HECW2: variants seen among roughly 807,000 people sequenced by gnomAD.
The protein encoded by HECW2 is E3 ubiquitin-protein ligase HECW2.
HECW2 carries 61 observed loss-of-function variants against 175.2 expected under a neutral mutation model. The ratio of observed to expected loss-of-function variants is 0.35; its 90% CI spans 0.28 to 0.43. The LOEUF (loss-of-function observed/expected upper bound fraction) is 0.43. Among genes scored for constraint, HECW2 ranks in the 20% least tolerant of loss-of-function variants. The probability of loss-of-function intolerance (pLI) is 1.00; values close to 1 mark genes in which losing one functional copy is unlikely to be tolerated. For synonymous variants in HECW2, 671 were observed against 731.0 expected (o/e 0.92, Z 1.32); for missense variants, 1,524 against 2,000.5 (o/e 0.76, Z 4.54).
intron 13 of HECW2, among the ~76,000 whole-genome samples, chr2:196,293,579 C>G (rs1690687826): frequency 6.6e-6 from 1 of 152,190 alleles, no homozygotes; most frequent in African/African-American, 2.4e-5. Flanking sequence ...AATCTCCACA[C>G]TGTTTTCCAC....
At chr2:196,446,412 T>C (rs1373896684) in intron 1 of HECW2, among the ~76,000 whole-genome samples, 1 of 152,196 alleles carries the variant, frequency 6.6e-6, no homozygotes, top group African/African-American at 2.4e-5. Context: ...ACAGTATGAC[T>C]TATTCACCTG....
intron 1 of HECW2, among the ~76,000 whole-genome samples, chr2:196,459,679 C>G (rs1310010809): frequency 1.3e-5 from 2 of 152,116 alleles, no homozygotes; most frequent in Non-Finnish European, 2.9e-5. Flanking sequence ...CTCCTGAAAC[C>G]GCCCCTCCTT....
intron 17 of HECW2, chr2:196,263,758 T>C (rs1482910290): frequency 6.6e-6 from 1 of 152,052 alleles, no homozygotes; most frequent in Non-Finnish European, 1.5e-5. Flanking sequence ...GGGACAAAGT[T>C]TGTCATAAAT....
intron 18 of HECW2, among the ~76,000 whole-genome samples, chr2:196,256,969 T>C (rs531187852): frequency 2.6e-5 from 4 of 152,320 alleles, no homozygotes; most frequent in Admixed American, 6.5e-5. Flanking sequence ...GCAACAAATA[T>C]GGCAACTATG....
chr2:196,354,201 G>A lies in HECW2; in HGVS notation c.293-10437C>T, dbSNP rs113004757. On this transcript the variant is annotated intron_variant, in intron 2 of 28. Coordinates refer to ENST00000644978, the MANE Select transcript of HECW2 (RefSeq NM_001348768.2). Reference sequence around the variant, plus strand: ...TTAATACACCACCATCAGTCAGGCTGCAGATAGTGGGACTAAAAGAGCTAA... The same window carrying A: ...TTAATACACCACCATCAGTCAGGCTACAGATAGTGGGACTAAAAGAGCTAA... Among the ~76,000 whole-genome samples, 597 of 152,338 alleles carry A rather than the reference G, an allele frequency of 3.9e-3. 8 individuals carry two copies. Among genetic ancestry groups the A allele is most frequent in the African/African-American group, 0.013 (557 of 41,580 alleles).
intron 10 of HECW2, chr2:196,315,640 G>T (rs1033735299): frequency 1.3e-5 from 2 of 152,060 alleles, no homozygotes; most frequent in African/African-American, 4.8e-5. Context: ...AAAAGGAACT[G>T]CCAATTGTAA....
rs146670635 is a variant in HECW2 at position 196,365,355 on chromosome 2, C to T, written c.293-21591G>A. On this transcript the variant is annotated intron_variant, in intron 2 of 28. Transcript: ENST00000644978. ...GGTTAGCACATCAGGAAGGAACAAC[C>T]CTTTTCCTGAAAATCCCATTATGAA... 5.3e-5 allele frequency among the ~76,000 whole-genome samples: 8 copies of T among 152,290 alleles called. No homozygotes were observed. The East Asian group carries it at 1.3e-3, about 26-fold the overall frequency.
chr2:196,415,894 T>C lies in HECW2; in HGVS notation c.292+17238A>G, dbSNP rs77431647. On this transcript the variant is annotated intron_variant, in intron 2 of 28. Coordinates refer to ENST00000644978, the MANE Select transcript of HECW2 (RefSeq NM_001348768.2). ...ATCAAAGGGTGTTGGGAGTTGAAGA[T>C]TAACAAAAGGTTTAGTAATATGACT... Among the ~76,000 whole-genome samples, 744 of 152,306 alleles carry C rather than the reference T, an allele frequency of 4.9e-3. 12 individuals carry two copies. The East Asian group carries it at 0.059, about 12-fold the overall frequency.
intron 26 of HECW2, among the ~76,000 whole-genome samples, chr2:196,218,610 C>A (rs986583088): frequency 6.6e-6 from 1 of 151,824 alleles, no homozygotes; most frequent in Non-Finnish European, 1.5e-5. Context: ...GCCAGGAATT[C>A]GAGACCAGAC....
chr2:196,305,396 A>G (rs1691222023), intron 13 of HECW2, among the ~76,000 whole-genome samples: 1 of 152,250 alleles, frequency 6.6e-6, no homozygotes. Flanking sequence ...ACAGATGTTT[A>G]TACTTGTAAA....
intron 2 of HECW2, among the ~76,000 whole-genome samples, chr2:196,373,021 C>G (rs1326630659): frequency 6.6e-6 from 1 of 152,204 alleles, no homozygotes; most frequent in South Asian, 2.1e-4. Flanking sequence ...CAGCAGCACA[C>G]GACCTGGTGC....
At chr2:196,211,406 G>C (rs146099016) in intron 28 of HECW2, among the ~76,000 whole-genome samples, 1 of 152,078 alleles carries the variant, frequency 6.6e-6, no homozygotes, top group African/African-American at 2.4e-5. Flanking sequence ...GCTAACCACC[G>C]ACCGCGAAGC....
At position 196,308,259 on chromosome 2, in the gene HECW2, T is replaced by G. The variant is rs1691345677; in HGVS notation, c.2435-174A>C. Reference sequence around the variant, plus strand: ...CCCCAGTTCACTCCAGAATCTGTTGTGACTGATTATTTAGCCTATCCTGTG... The same window carrying G: ...CCCCAGTTCACTCCAGAATCTGTTGGGACTGATTATTTAGCCTATCCTGTG... On this transcript the variant is annotated intron_variant, in intron 10 of 28. Transcript: ENST00000644978. The G allele has an allele frequency of 1.4e-5, 6 of 428,620 alleles. No homozygotes were observed. The South Asian group carries it at 4.3e-4, about 31-fold the overall frequency. The allele number at this position is 428,620 out of a possible 1,614,324, so 26.6% of individuals were successfully genotyped here.
chr2:196,565,477 G>T (rs555168128), intron 1 of HECW2, among the ~76,000 whole-genome samples: 20 of 152,170 alleles, frequency 1.3e-4, no homozygotes, highest in Middle Eastern at 3.4e-3. Flanking sequence ...TTGAAAGTGG[G>T]GAATAGATGA....
chr2:196,379,898 CAA>C (rs5837506), intron 2 of HECW2, among the ~76,000 whole-genome samples: 429 of 127,620 alleles, frequency 3.4e-3, no homozygotes, highest in Non-Finnish European at 4.0e-3. Context: ...TATTCTCCAG[CAA>C]AAAAAAAAAA....
At chr2:196,226,181 G>A (rs1299247020) in intron 22 of HECW2, among the ~76,000 whole-genome samples, 1 of 151,972 alleles carries the variant, frequency 6.6e-6, no homozygotes, top group African/African-American at 2.4e-5. Context: ...ATGATAGTGA[G>A]TTCTCATGAA....
At chr2:196,246,908 A>C (rs550038143) in intron 19 of HECW2, among the ~76,000 whole-genome samples, 1 of 152,200 alleles carries the variant, frequency 6.6e-6, no homozygotes, top group Non-Finnish European at 1.5e-5. Context: ...TAAATGCAAA[A>C]ATTCTTTTGC....
chr2:196,387,041 T>C (rs1447412703), intron 2 of HECW2, among the ~76,000 whole-genome samples: 4 of 152,170 alleles, frequency 2.6e-5, no homozygotes, highest in Non-Finnish European at 4.4e-5. Context: ...ATTTTTCTCA[T>C]TTTTCTCTAT....
At chr2:196,306,382 G>T in intron 13 of HECW2, 106 bp downstream of exon 13, 1 of 1,192,204 alleles carries the variant, frequency 8.4e-7, no homozygotes, top group Non-Finnish European at 1.2e-6. Context: ...CACACTAAGT[G>T]CTCTGGAAAC....
Sources: gnomAD v4.1 joint callset for allele counts (sites outside exome capture counted in the v4.1 genomes callset) on GRCh38, gnomAD v4.1.1 for gene constraint, MANE v1.5 for transcripts, NCBI Gene and HGNC (gene_info 2026-07-23, HGNC 2026-07-21) for gene names.